Variants in NR2E1 observed in about 807,000 individuals in gnomAD.
NR2E1 encodes nuclear receptor subfamily 2 group E member 1.
A neutral mutation model predicts 43.6 loss-of-function variants in NR2E1; 5 were observed. That is an observed-to-expected ratio of 0.11 (90% CI 0.06 to 0.24). The LOEUF (loss-of-function observed/expected upper bound fraction) is 0.24, where lower values mean the gene tolerates loss of function less well. Among genes scored for constraint, NR2E1 ranks in the 10% least tolerant of loss-of-function variants. The probability of loss-of-function intolerance (pLI) is 1.00; values close to 1 mark genes in which losing one functional copy is unlikely to be tolerated. For missense variants in NR2E1, 287 were observed against 496.7 expected, an observed-to-expected ratio of 0.58 and a Z score of 4.01; for synonymous variants, 191 against 195.5, an observed-to-expected ratio of 0.98 and a Z score of 0.19.
At chr6:108,176,428 C>T in intron 3 of NR2E1, 75 bp from the exon 4 acceptor site, 1 of 1,465,796 alleles carries the variant, frequency 6.8e-7, no homozygotes, top group South Asian at 1.2e-5. Flanking sequence ...TGGGGCGGGG[C>T]TGGGGGGAGA....
rs755627008 is a variant in NR2E1, at chr6:108,180,578, T to C, written c.739+159T>C. ...TTTAAATGCAAATAATGTTGTTTTGTTGTATTCATGACTGCTTGCATTGTT... is the reference window on the plus strand; with the variant it reads ...TTTAAATGCAAATAATGTTGTTTTGCTGTATTCATGACTGCTTGCATTGTT... On this transcript the variant is annotated intron_variant, in intron 6 of 8. Transcript: ENST00000368986. This position sits in a 1 kb window ranked among gnomAD's most constrained non-coding sequence, Gnocchi z 5.4. Among the ~76,000 whole-genome samples the C allele has an allele frequency of 6.6e-6, 1 of 152,252 alleles. No homozygotes were observed. Among genetic ancestry groups the C allele is most frequent in the Non-Finnish European group, 1.5e-5 (1 of 68,046 alleles).
In NR2E1 at chr6:108,180,800, AT is replaced by A. The variant is rs777706758; in HGVS notation, c.740-5del. The A allele has an allele frequency of 1.9e-6, 3 of 1,613,418 alleles. No homozygotes were observed. In the African/African-American group the frequency reaches 4.0e-5, roughly 22 times the overall value. On this transcript the variant is annotated splice_region_variant and splice_polypyrimidine_tract_variant and intron_variant, in intron 6 of 8. Transcript: ENST00000368986. This position sits in a 1 kb window ranked among gnomAD's most constrained non-coding sequence, Gnocchi z 5.4. ...ATTAGAGTATTTATCCCATATTTTT[AT>A]TCTAGGCATGAACGGTGACAACACA... is the stretch of plus-strand genomic sequence containing the variant.
intron 8 of NR2E1, among the ~76,000 whole-genome samples, chr6:108,182,241 C>CAAAAA (rs766203121): frequency 2.7e-5 from 2 of 74,288 alleles, no homozygotes; most frequent in Non-Finnish European, 6.2e-5. Flanking sequence ...GACTCCGTCT[C>CAAAAA]AAAAAAAAAA....
intron 1 of NR2E1, chr6:108,168,005 G>T: frequency 6.3e-7 from 1 of 1,576,536 alleles, no homozygotes. Context: ...CAAAATGAAC[G>T]TGAACAAAAA....
rs1562404154 is a variant in NR2E1 at position 108,176,095 on chromosome 6, G to C, written c.260-408G>C. ...GAGCTGGAAAAGTCTGCGCAGAAAC[G>C]AGGTGTCTGGCGTGCGCGACGCTCC... On this transcript the variant is annotated intron_variant, in intron 3 of 8. Transcript: ENST00000368986. 5 of 187,820 alleles carry C rather than the reference G, an allele frequency of 2.7e-5. 1 individual carries two copies. The highest frequency in any genetic ancestry group is 1.3e-4 in the South Asian group (1 of 7,724). The allele number at this position is 187,820 out of a possible 1,614,324, so 11.6% of individuals were successfully genotyped here.
chr6:108,182,003 C>T (rs892420515), intron 8 of NR2E1, among the ~76,000 whole-genome samples: 6 of 152,032 alleles, frequency 3.9e-5, no homozygotes, highest in Admixed American at 1.3e-4. Context: ...TTTGGGAGGC[C>T]GAGGTGGGTG....
At chr6:108,183,824 A>G (rs577706922) in intron 8 of NR2E1, among the ~76,000 whole-genome samples, 1 of 152,320 alleles carries the variant, frequency 6.6e-6, no homozygotes, top group South Asian at 2.1e-4. Context: ...ATATTGAATT[A>G]CAGAATATAT....
chr6:108,167,624 C>T lies in NR2E1; in HGVS notation c.25+834C>T, dbSNP rs551402988. ...AGCCAGCGTTGAGCAGGCGCGGTCA[C>T]GGTGCTCAGATCTCCCGGGGGCATT... On this transcript the variant is annotated intron_variant, in intron 1 of 8. Transcript: ENST00000368986. Among the ~76,000 whole-genome samples the T allele has an allele frequency of 4.3e-4, 66 of 152,234 alleles. 2 individuals are homozygous for T. Among genetic ancestry groups the T allele is most frequent in the African/African-American group, 1.6e-3 (66 of 41,552 alleles).
chr6:108,181,713 C>A, intron 8 of NR2E1, 62 bp downstream of exon 8: 1 of 1,240,746 alleles, frequency 8.1e-7, no homozygotes, highest in Non-Finnish European at 1.2e-6. Context: ...AATGCCTGAG[C>A]AGGCGGTAAT....
At position 108,180,776 on chromosome 6, in the gene NR2E1, TTAGAG is replaced by T. The variant is rs1773970600; in HGVS notation, c.740-28_740-24del. On this transcript the variant is annotated intron_variant, in intron 6 of 8. Transcript: ENST00000368986. This position sits in a 1 kb window ranked among gnomAD's most constrained non-coding sequence, Gnocchi z 5.4. The stretch of plus-strand genomic sequence containing the variant: ...ATTAAATCATGAAAATGCCTTCATA[TTAGAG>T]TATTTATCCCATATTTTTATTCTAG... The T allele has an allele frequency of 1.2e-6, 2 of 1,606,900 alleles. No individual in the cohort carries two copies. The highest frequency in any genetic ancestry group is 8.5e-7 in the Non-Finnish European group (1 of 1,173,460).
intron 8 of NR2E1, among the ~76,000 whole-genome samples, chr6:108,186,609 G>A (rs749924108): frequency 6.6e-6 from 1 of 152,226 alleles, no homozygotes; most frequent in African/African-American, 2.4e-5. Context: ...CAGTGAGGAG[G>A]TGGCTTGCAG....
At position 108,187,490 on chromosome 6, in the gene NR2E1, T is replaced by C. The variant is rs766453152; in HGVS notation, c.*27T>C. The C allele has an allele frequency of 8.7e-6, 14 of 1,612,326 alleles. No individual in the cohort carries two copies. In the South Asian group the frequency reaches 1.5e-4, roughly 18 times the overall value. ...CTCACAAGATACCCACTTTTCAGGA[T>C]GGGACAGTATCAGATGAACTTCAAC... On this transcript the variant is annotated 3_prime_UTR_variant, in exon 9 of 9. Coordinates refer to ENST00000368986, the MANE Select transcript of NR2E1 (RefSeq NM_003269.5).
intron 2 of NR2E1, among the ~76,000 whole-genome samples, chr6:108,174,307 C>G (rs1773860366): frequency 6.6e-6 from 1 of 152,210 alleles, no homozygotes; most frequent in African/African-American, 2.4e-5. Context: ...TAAACGGGCT[C>G]TCCCAGAAAG....
At chr6:108,167,909 A>T in intron 1 of NR2E1, 1 of 1,085,476 alleles carries the variant, frequency 9.2e-7, no homozygotes. Flanking sequence ...AGTGGGATGC[A>T]ATTCCCGCCC....
Position 108,176,603 on chromosome 6 carries a change from T to G in NR2E1, c.360T>G (p.Phe120Leu), listed in dbSNP as rs750923638. 3.1e-6 allele frequency: 5 copies of G among 1,612,376 alleles called. No individual in the cohort carries two copies. In the South Asian group the frequency reaches 5.5e-5, roughly 18 times the overall value. ...HKEENGAAAH[F>L]PSAALPAPAF... ...AGGAGAACGGGGCCGCCGCGCACTT[T>G]CCCTCGGCGGCGCTCCCTGCGCCGG... Residue 120 changes from phenylalanine to leucine, a missense_variant, in exon 4 of 9, where the codon TTT becomes TTG. Phe to Leu is a conservative substitution (Grantham distance 22). Around this residue, in one of 4 missense-constraint regions of NR2E1, gnomAD observed 119 missense variants for 155.7 expected, o/e 0.76. Coordinates refer to ENST00000368986, the MANE Select transcript of NR2E1 (RefSeq NM_003269.5).
intron 1 of NR2E1, chr6:108,167,893 CACTT>C: frequency 1.2e-6 from 1 of 846,190 alleles, no homozygotes; most frequent in Non-Finnish European, 1.8e-6. Context: ...AATGAAGTCT[CACTT>C]AAGTGGGATG....
chr6:108,171,646 C>T, intron 2 of NR2E1, 43 bp downstream of exon 2: 1 of 1,612,202 alleles, frequency 6.2e-7, no homozygotes, highest in Non-Finnish European at 8.5e-7. Context: ...GCTCTGCTGC[C>T]TCCTCACTCT....
chr6:108,185,613 C>T (rs1294391253), intron 8 of NR2E1, among the ~76,000 whole-genome samples: 1 of 152,154 alleles, frequency 6.6e-6, no homozygotes, highest in Non-Finnish European at 1.5e-5. Context: ...TCATCTTGAA[C>T]TCCTGGGCTC....
chr6:108,168,323 T>A (rs1773747245), intron 1 of NR2E1, among the ~76,000 whole-genome samples: 1 of 151,004 alleles, frequency 6.6e-6, no homozygotes, highest in African/African-American at 2.4e-5. Flanking sequence ...GGACAGGCCC[T>A]CGCCTACACC....
Sources: gnomAD v4.1 joint callset for allele counts (sites outside exome capture counted in the v4.1 genomes callset) on GRCh38, gnomAD v4.1.1 for gene constraint, gnomAD v4.1.1 regional missense constraint, Gnocchi (gnomAD v3.1) non-coding constraint, MANE v1.5 for transcripts, NCBI Gene and HGNC (gene_info 2026-07-23, HGNC 2026-07-21) for gene names.